Variants in CHLSN observed in about 807,000 individuals in gnomAD.
The protein encoded by CHLSN is protein cholesin.
At chr7:1,105,968 G>A in the CHLSN span, among the ~76,000 whole-genome samples, 1 of 152,128 alleles carries the variant, frequency 6.6e-6, no homozygotes, top group East Asian at 1.9e-4. Flanking sequence ...CACAGGAACA[G>A]AGAGGAGCAC....
At chr7:1,081,932 C>T in the CHLSN span, 1 of 152,328 alleles carries the variant, frequency 6.6e-6, no homozygotes, top group Non-Finnish European at 1.5e-5. Flanking sequence ...TCCCCCCACC[C>T]ACCAGGTGGC....
the CHLSN span, among the ~76,000 whole-genome samples, chr7:1,006,494 C>A: frequency 7.1e-6 from 1 of 141,524 alleles, no homozygotes; most frequent in African/African-American, 2.7e-5. Flanking sequence ...ACGGCCACAG[C>A]GCAGGGAAAG....
chr7:1,098,377 T>C, the CHLSN span, among the ~76,000 whole-genome samples: 1 of 152,222 alleles, frequency 6.6e-6, no homozygotes, highest in Admixed American at 6.5e-5. Context: ...ACAACCCAGA[T>C]GTCCATAAGC....
chr7:1,120,211 AC>A, the CHLSN span, among the ~76,000 whole-genome samples: 1 of 152,236 alleles, frequency 6.6e-6, no homozygotes, highest in South Asian at 2.1e-4. Context: ...GACAGCACTT[AC>A]CAGAGCCGCC....
the CHLSN span, among the ~76,000 whole-genome samples, chr7:1,124,988 G>A: frequency 2.0e-5 from 3 of 152,114 alleles, no homozygotes; most frequent in South Asian, 2.1e-4. Context: ...GGCTTCCCTC[G>A]CCCGGGGGGT....
the CHLSN span, among the ~76,000 whole-genome samples, chr7:991,853 C>T: frequency 2.1e-4 from 32 of 152,334 alleles, 1 homozygote; most frequent in Non-Finnish European, 1.6e-4. Context: ...ACACCCACTC[C>T]GAGTCCCTCC....
chr7:1,023,467 CT>C, the CHLSN span, among the ~76,000 whole-genome samples: 1 of 151,974 alleles, frequency 6.6e-6, no homozygotes, highest in Non-Finnish European at 1.5e-5. This position sits in a 1 kb window ranked among gnomAD's most constrained non-coding sequence, Gnocchi z 5.0. Context: ...CACCCGAGGC[CT>C]CCTGGGAACC....
chr7:1,100,568 C>G, the CHLSN span, among the ~76,000 whole-genome samples: 1 of 152,188 alleles, frequency 6.6e-6, no homozygotes, highest in Non-Finnish European at 1.5e-5. Context: ...CCTCAAGAAG[C>G]CATGGCTGGA....
the CHLSN span, among the ~76,000 whole-genome samples, chr7:1,061,578 T>G: frequency 6.6e-6 from 1 of 152,118 alleles, no homozygotes; most frequent in Non-Finnish European, 1.5e-5. Context: ...CTCATCTATA[T>G]TCTATGTTGC....
At chr7:993,934 C>T in the CHLSN span, among the ~76,000 whole-genome samples, 1 of 143,948 alleles carries the variant, frequency 6.9e-6, no homozygotes, top group South Asian at 2.5e-4. Context: ...TCAGAGGCCG[C>T]TTCCTCAGAG....
the CHLSN span, among the ~76,000 whole-genome samples, chr7:1,123,062 A>G: frequency 1.3e-5 from 2 of 152,104 alleles, no homozygotes; most frequent in African/African-American, 4.8e-5. This position sits in a 1 kb window ranked among gnomAD's most constrained non-coding sequence, Gnocchi z 4.4. Context: ...AGCTCAGCAA[A>G]CAACACCCAG....
chr7:1,029,625 C>G, the CHLSN span, among the ~76,000 whole-genome samples: 3 of 152,204 alleles, frequency 2.0e-5, no homozygotes, highest in Non-Finnish European at 2.9e-5. Flanking sequence ...ACAGTGAGCC[C>G]GGAGGCTGGG....
chr7:1,013,362 C>G, the CHLSN span, among the ~76,000 whole-genome samples: 1 of 152,230 alleles, frequency 6.6e-6, no homozygotes, highest in Non-Finnish European at 1.5e-5. Flanking sequence ...TAAGTACACA[C>G]CAAAAAATTT....
chr7:1,079,178 G>A, the CHLSN span, among the ~76,000 whole-genome samples: 2 of 152,194 alleles, frequency 1.3e-5, no homozygotes, highest in South Asian at 2.1e-4. Flanking sequence ...GTCAACAGCC[G>A]CAAACAAACC....
chr7:1,133,937 G>C, the CHLSN span, among the ~76,000 whole-genome samples: 1 of 152,004 alleles, frequency 6.6e-6, no homozygotes, highest in Non-Finnish European at 1.5e-5. Context: ...CTCCGGAGTA[G>C]CTGGCACTAC....
the CHLSN span, among the ~76,000 whole-genome samples, chr7:1,097,425 G>A: frequency 5.9e-5 from 9 of 152,218 alleles, no homozygotes; most frequent in African/African-American, 1.2e-4. The surrounding 1 kb of genome is among the most constrained non-coding windows in gnomAD (Gnocchi z 4.3). Flanking sequence ...AGAGACAATC[G>A]TGATAGACCA....
the CHLSN span, among the ~76,000 whole-genome samples, chr7:1,130,782 C>T: frequency 1.3e-5 from 2 of 152,206 alleles, no homozygotes; most frequent in African/African-American, 4.8e-5. Flanking sequence ...AACCAGCACA[C>T]GCGGCATGCA....
the CHLSN span, among the ~76,000 whole-genome samples, chr7:978,531 A>G: frequency 6.6e-6 from 1 of 152,204 alleles, no homozygotes; most frequent in Non-Finnish European, 1.5e-5. Context: ...AGAAAAAAGG[A>G]AAAGCTCAGA....
the CHLSN span, among the ~76,000 whole-genome samples, chr7:1,105,856 A>G: frequency 6.6e-6 from 1 of 152,214 alleles, no homozygotes; most frequent in East Asian, 1.9e-4. Flanking sequence ...AGAGGAGGAA[A>G]AGGCTTTGTT....
Sources: gnomAD v4.1 joint callset for allele counts (sites outside exome capture counted in the v4.1 genomes callset) on GRCh38, gnomAD v4.1.1 for gene constraint, Gnocchi (gnomAD v3.1) non-coding constraint, MANE v1.5 for transcripts, NCBI Gene and HGNC (gene_info 2026-07-23, HGNC 2026-07-21) for gene names.